Variants in CLEC1A observed in about 807,000 individuals in gnomAD.
CLEC1A encodes the protein C-type lectin domain family 1 member A, also known as C-type lectin-like receptor-1.
A neutral mutation model predicts 28.7 loss-of-function variants in CLEC1A; 34 were observed. The ratio of observed to expected loss-of-function variants is 1.18; its 90% CI spans 0.90 to 1.57. The LOEUF (loss-of-function observed/expected upper bound fraction) is 1.57, where lower values mean the gene tolerates loss of function less well. Among genes scored for constraint, CLEC1A ranks in the 40% most tolerant of loss-of-function variants. The pLI, the probability that CLEC1A is intolerant of heterozygous loss-of-function variation, is 0.00. For missense variants in CLEC1A, 385 were observed against 339.5 expected (o/e 1.13, Z -1.05); for synonymous variants, 116 against 121.0 (o/e 0.96, Z 0.27).
chr12:10,088,389 A>T (rs1866544927), intron 2 of CLEC1A, among the ~76,000 whole-genome samples: 1 of 151,716 alleles, frequency 6.6e-6, no homozygotes, highest in African/African-American at 2.4e-5. Context: ...AATTTTTGAC[A>T]TTAAAATCTG....
chr12:10,097,798 C>T (rs1456634916), intron 1 of CLEC1A, among the ~76,000 whole-genome samples: 1 of 147,816 alleles, frequency 6.8e-6, no homozygotes, highest in Admixed American at 6.9e-5. Context: ...CGCTTTGTAT[C>T]CTATTACACA....
chr12:10,097,483 G>T (rs990058628), intron 1 of CLEC1A, among the ~76,000 whole-genome samples: 3 of 152,152 alleles, frequency 2.0e-5, no homozygotes, highest in Admixed American at 6.5e-5. Flanking sequence ...TGTTGCCTAA[G>T]ATAACTATTT....
intron 3 of CLEC1A, among the ~76,000 whole-genome samples, chr12:10,080,315 C>T (rs1866340960): frequency 6.6e-6 from 1 of 151,828 alleles, no homozygotes; most frequent in Non-Finnish European, 1.5e-5. Context: ...TCCATCTCCC[C>T]CCACCCCCAA....
chr12:10,081,210 G>C (rs1866360398), intron 3 of CLEC1A, 27 bp downstream of exon 3: 2 of 1,516,374 alleles, frequency 1.3e-6, no homozygotes, highest in Non-Finnish European at 1.8e-6. Flanking sequence ...AGACAACATG[G>C]GGACAGAGTG....
At chr12:10,088,712 C>T (rs191520182) in intron 2 of CLEC1A, among the ~76,000 whole-genome samples, 4 of 152,052 alleles carry the variant, frequency 2.6e-5, no homozygotes, top group Non-Finnish European at 2.9e-5. Context: ...TACCTACTCT[C>T]CTTGTATTGA....
chr12:10,095,621 A>T (rs151004544), intron 1 of CLEC1A, among the ~76,000 whole-genome samples: 2 of 152,290 alleles, frequency 1.3e-5, no homozygotes, highest in East Asian at 3.9e-4. Flanking sequence ...TTTTCAAACC[A>T]CTGCTGTCAA....
chr12:10,087,856 T>C (rs1048115993), intron 2 of CLEC1A, among the ~76,000 whole-genome samples: 7 of 151,718 alleles, frequency 4.6e-5, no homozygotes, highest in Admixed American at 1.3e-4. Context: ...AATTTATCTA[T>C]GTATATTTAT....
Position 10,080,947 on chromosome 12 carries a change from T to C in CLEC1A, c.391+290A>G, listed in dbSNP as rs138861198. On this transcript the variant is annotated intron_variant, in intron 3 of 5. Transcript: ENST00000315330. ...TTGTAAGAACATTTGCCGAGGTAAA[T>C]TGAGACATACCCCTGTATTTTCTTT... is the stretch of plus-strand genomic sequence containing the variant. 1.4e-4 allele frequency among the ~76,000 whole-genome samples: 22 copies of C among 152,334 alleles called. No homozygotes were observed. The East Asian group carries it at 4.2e-3, about 29-fold the overall frequency.
Position 10,089,171 on chromosome 12 carries a change from G to A in CLEC1A, c.167C>T (p.Thr56Ile). 1 of 1,614,092 alleles carries A rather than the reference G, an allele frequency of 6.2e-7. No individual in the cohort carries two copies. Among genetic ancestry groups the A allele is most frequent in the Non-Finnish European group, 8.5e-7 (1 of 1,179,972 alleles). Residue 56 changes from threonine to isoleucine, a missense_variant, in exon 2 of 6, where the codon ACT (threonine) becomes ATT (isoleucine). Physicochemically the swap from Thr to Ile is moderately conservative, Grantham distance 89. Transcript: ENST00000315330. ...TWRPVALTLLTLCLVLLIGLA... is the reference protein window; with the variant it reads ...TWRPVALTLLILCLVLLIGLA... ...CCCTATCAGCAGCACCAAGCACAAA[G>A]TCAGCAGGGTCAGGGCCACTGGTCG...
intron 2 of CLEC1A, 28 bp from the exon 3 acceptor site, chr12:10,081,441 ACAG>A: frequency 6.4e-7 from 1 of 1,550,388 alleles, no homozygotes; most frequent in Non-Finnish European, 8.7e-7. Context: ...GTCAGACTGG[ACAG>A]CTTATTTCTA....
At position 10,094,224 on chromosome 12, in the gene CLEC1A, G is replaced by C. The variant is rs139421418; in HGVS notation, c.115+4584C>G. Among the ~76,000 whole-genome samples, 39 of 152,038 alleles carry C rather than the reference G, an allele frequency of 2.6e-4. No individual in the cohort carries two copies. In the East Asian group the frequency reaches 7.3e-3, roughly 29 times the overall value. ...TTAATGATAATTGCTCAAATTTCTT[G>C]AGTTACTGAGAAAAATGTCTTATAT... On this transcript the variant is annotated intron_variant, in intron 1 of 5. Coordinates refer to ENST00000315330, the MANE Select transcript of CLEC1A (RefSeq NM_016511.4).
In CLEC1A at chr12:10,070,220, C is replaced by T. The variant is rs1866096997; in HGVS notation, c.*1113G>A. 1 of 152,188 alleles carries T rather than the reference C, an allele frequency of 6.6e-6. No individual in the cohort carries two copies. The highest frequency in any genetic ancestry group is 6.5e-5 in the Admixed American group (1 of 15,284). 9.4% of individuals were successfully genotyped at this position (152,188 alleles called of 1,614,324 possible). On this transcript the variant is annotated 3_prime_UTR_variant, in exon 6 of 6. Transcript: ENST00000315330. Reference sequence around the variant, plus strand: ...ATGTGCACTAATGCAACTCAGCTTCCTCATCAACCATGTGTTGATGCCATA... The same window carrying T: ...ATGTGCACTAATGCAACTCAGCTTCTTCATCAACCATGTGTTGATGCCATA...
At position 10,073,084 on chromosome 12, in the gene CLEC1A, A is replaced by G. The variant is rs184874489; in HGVS notation, c.662+209T>C. On this transcript the variant is annotated intron_variant, in intron 5 of 5. Coordinates refer to ENST00000315330, the MANE Select transcript of CLEC1A (RefSeq NM_016511.4). ...AACAGAACAAGACCCTATCTCAAAA[A>G]ACAATCAAACGAACAAACACACACA... Among the ~76,000 whole-genome samples, 31 of 152,244 alleles carry G rather than the reference A, an allele frequency of 2.0e-4. 1 individual carries two copies. The East Asian group carries it at 4.8e-3, about 24-fold the overall frequency.
intron 2 of CLEC1A, among the ~76,000 whole-genome samples, chr12:10,086,484 T>A (rs1202041563): frequency 1.3e-5 from 2 of 151,732 alleles, no homozygotes; most frequent in Non-Finnish European, 2.9e-5. Context: ...GAGATCCAAA[T>A]AACCTCAATT....
At chr12:10,087,034 C>T (rs946981054) in intron 2 of CLEC1A, among the ~76,000 whole-genome samples, 25 of 151,650 alleles carry the variant, frequency 1.6e-4, no homozygotes, top group Admixed American at 1.5e-3. Flanking sequence ...GGAGAAACTC[C>T]GTCTCTACTA....
At chr12:10,083,802 A>G (rs1422819980) in intron 2 of CLEC1A, among the ~76,000 whole-genome samples, 1 of 152,166 alleles carries the variant, frequency 6.6e-6, no homozygotes, top group Non-Finnish European at 1.5e-5. Flanking sequence ...AATATAGGAT[A>G]TGGATTTAAA....
intron 3 of CLEC1A, among the ~76,000 whole-genome samples, chr12:10,076,361 T>G (rs1260086095): frequency 2.0e-5 from 3 of 152,234 alleles, no homozygotes; most frequent in African/African-American, 7.2e-5. Flanking sequence ...AATTTCTTTA[T>G]TTTAAAAGCG....
At chr12:10,096,809 T>C (rs979487308) in intron 1 of CLEC1A, among the ~76,000 whole-genome samples, 1 of 152,106 alleles carries the variant, frequency 6.6e-6, no homozygotes, top group Non-Finnish European at 1.5e-5. Flanking sequence ...TCACTCCCGA[T>C]TCCTTATTAT....
At position 10,089,186 on chromosome 12, in the gene CLEC1A, G is replaced by A. The variant is rs1866562996; in HGVS notation, c.152C>T (p.Ala51Val). The change falls in exon 2 of 6, where the codon GCC (alanine) becomes GTC (valine). Residue 51 changes from alanine to valine, a missense_variant. Transcript: ENST00000315330. ...RAPSSTWRPV[A>V]LTLLTLCLVL... The stretch of plus-strand genomic sequence containing the variant: ...CAAGCACAAAGTCAGCAGGGTCAGG[G>A]CCACTGGTCGCCACGTTGAAGAGGG... The A allele has an allele frequency of 1.2e-6, 2 of 1,614,052 alleles. No individual in the cohort carries two copies. Among genetic ancestry groups the A allele is most frequent in the Admixed American group, 3.3e-5 (2 of 60,016 alleles).
Sources: gnomAD v4.1 joint callset for allele counts (sites outside exome capture counted in the v4.1 genomes callset) on GRCh38, gnomAD v4.1.1 for gene constraint, MANE v1.5 for transcripts, NCBI Gene and HGNC (gene_info 2026-07-23, HGNC 2026-07-21) for gene names.